The following CRNKL1 variants were observed in gnomAD, a reference collection of about 807,000 sequenced individuals.
CRNKL1 encodes the protein crooked neck-like protein 1.
CRNKL1 carries 35 observed loss-of-function variants against 103.7 expected under a neutral mutation model. That is an observed-to-expected ratio of 0.34 (90% CI 0.26 to 0.45). CRNKL1 has a LOEUF of 0.45. Ranked by LOEUF, CRNKL1 falls within the 20% of genes least tolerant of loss-of-function variation. The pLI, the probability that CRNKL1 is intolerant of heterozygous loss-of-function variation, is 1.00. For missense variants in CRNKL1, 645 were observed against 836.0 expected (o/e 0.77, Z 2.82); for synonymous variants, 267 against 282.6 (o/e 0.94, Z 0.55).
intron 11 of CRNKL1, 146 bp downstream of exon 11, chr20:20,039,463 T>C: frequency 1.1e-6 from 1 of 951,828 alleles, no homozygotes; most frequent in Non-Finnish European, 1.5e-6. Context: ...CAGCCACCTT[T>C]CCACGTACAA....
upstream of CRNKL1, chr20:20,052,642 C>T (rs1158318861): frequency 1.9e-6 from 3 of 1,613,334 alleles, no homozygotes; most frequent in Non-Finnish European, 2.5e-6. Flanking sequence ...CGGTGCAGGG[C>T]GTCCAGGGCG....
In CRNKL1 at chr20:20,034,488, C is replaced by CT. The variant is rs2043386044; in HGVS notation, c.*1706dup. 1 of 152,146 alleles carries CT rather than the reference C, an allele frequency of 6.6e-6. No individual in the cohort carries two copies. The highest frequency in any genetic ancestry group is 6.5e-5 in the Admixed American group (1 of 15,276). 9.4% of individuals were successfully genotyped at this position (152,146 alleles called of 1,614,324 possible). ...CTTCCAGCTTTCACACTGGCACATGCTTATTACAATTCTACCTTGGGAACA... is the reference window on the plus strand; with the variant it reads ...CTTCCAGCTTTCACACTGGCACATGCTTTATTACAATTCTACCTTGGGAACA... On this transcript the variant is annotated 3_prime_UTR_variant, in exon 14 of 14. Transcript: ENST00000536226.
intron 10 of CRNKL1, 142 bp from the exon 11 acceptor site, chr20:20,039,990 T>C: frequency 1.2e-6 from 1 of 828,700 alleles, no homozygotes; most frequent in South Asian, 1.8e-5. Flanking sequence ...CTCTGTGGTA[T>C]CACAATGTTT....
At position 20,037,529 on chromosome 20, in the gene CRNKL1, C is replaced by A; in HGVS notation, c.1690G>T (p.Glu564Ter). 8.1e-6 allele frequency: 13 copies of A among 1,614,136 alleles called. No homozygotes were observed. Among genetic ancestry groups the A allele is most frequent in the Non-Finnish European group, 1.1e-5 (13 of 1,180,012 alleles). Residue 564 changes from glutamate (E) to a stop codon, truncating the protein, a stop_gained, in exon 13 of 14, where the codon GAA (glutamate) becomes TAA (stop). Transcript: ENST00000536226. LOFTEE classifies it high-confidence loss of function. Reference protein sequence around the residue: ...FAQFELSSGKEGSLTKCRQIY... With the variant: ...FAQFELSSGK ...TGTCTGCATTTAGTCAAACTTCCTT[C>A]TTTTCCTGAAGACAACTCAAACTGA...
intron 6 of CRNKL1, among the ~76,000 whole-genome samples, chr20:20,044,259 TA>T (rs2043560070): frequency 1.3e-5 from 2 of 152,294 alleles, no homozygotes; most frequent in East Asian, 3.9e-4. Flanking sequence ...CCTTAAAATA[TA>T]AATCATATCC....
intron 9 of CRNKL1, 81 bp downstream of exon 9, chr20:20,041,485 T>C (rs1244727504): frequency 9.1e-7 from 1 of 1,104,346 alleles, no homozygotes; most frequent in Non-Finnish European, 1.4e-6. Context: ...TATCAATCAA[T>C]ATTATTTCAC....
chr20:20,052,723 C>G (rs7508949), upstream of CRNKL1: 651,860 of 1,600,538 alleles, frequency 0.41, 139,552 homozygotes, highest in Middle Eastern at 0.45. Context: ...CCGTGGCGCC[C>G]TGCAAGGGAG....
upstream of CRNKL1, chr20:20,052,707 G>C: frequency 2.5e-6 from 4 of 1,610,124 alleles, no homozygotes; most frequent in Non-Finnish European, 2.5e-6. Context: ...GAGTGGCTCT[G>C]TCGAGCCGTG....
At position 20,039,862 on chromosome 20, in the gene CRNKL1, T is replaced by G. The variant is rs747460400; in HGVS notation, c.1306-14A>C. ...TATGGAAGTTCCCTGGAAAATAAAA[T>G]AACCAGACCACTGTGATACTGTAGT... On this transcript the variant is annotated splice_polypyrimidine_tract_variant and intron_variant, in intron 10 of 13. Transcript: ENST00000536226. 66 of 1,611,882 alleles carry G rather than the reference T, an allele frequency of 4.1e-5. No homozygotes were observed. Among genetic ancestry groups the G allele is most frequent in the Non-Finnish European group, 5.1e-5 (60 of 1,179,410 alleles).
At chr20:20,039,206 G>T (rs2043471581) in intron 11 of CRNKL1, among the ~76,000 whole-genome samples, 1 of 152,204 alleles carries the variant, frequency 6.6e-6, no homozygotes, top group African/African-American at 2.4e-5. Flanking sequence ...AGTGACAACA[G>T]AAGTTGCAAG....
At position 20,042,462 on chromosome 20, in the gene CRNKL1, C is replaced by T. The variant is rs777183138; in HGVS notation, c.1027G>A (p.Asp343Asn). ...TCTCTCACGGCTTCAGCTTCTGCGTCACTTTCTACCAAGCGCAAGTAATCA... is the reference window on the plus strand; with the variant it reads ...TCTCTCACGGCTTCAGCTTCTGCGTTACTTTCTACCAAGCGCAAGTAATCA... ...WFDYLRLVES[D>N]AEAEAVREVY... Residue 343 changes from aspartate to asparagine, a missense_variant, in exon 8 of 14, where the codon GAC (aspartate) becomes AAC (asparagine). By Grantham distance (23) the Asp-to-Asn change is conservative. Around this residue, in one of 2 missense-constraint regions of CRNKL1, gnomAD observed 582 missense variants for 707.7 expected, o/e 0.82. Transcript: ENST00000536226. 3 of 1,614,166 alleles carry T rather than the reference C, an allele frequency of 1.9e-6. No homozygotes were observed. In the South Asian group the frequency reaches 3.3e-5, roughly 18 times the overall value.
chr20:20,049,370 T>G lies in CRNKL1; in HGVS notation c.266A>C (p.Gln89Pro). Residue 89 changes from glutamine to proline, a missense_variant, in exon 3 of 14, where the codon CAA (glutamine) becomes CCA (proline). Coordinates refer to ENST00000536226, the MANE Select transcript of CRNKL1 (RefSeq NM_001278628.2). ...AATCTCCTTTAGGCTTTCTTCCCAT[T>G]GTGCGTATTTTATCCAGTTACTAAT... The part of the protein sequence containing the change: ...TVISNWIKYA[Q>P]WEESLKEIQR... 3 of 1,601,892 alleles carry G rather than the reference T, an allele frequency of 1.9e-6. No individual in the cohort carries two copies. Among genetic ancestry groups the G allele is most frequent in the Non-Finnish European group, 2.6e-6 (3 of 1,170,634 alleles).
intron 1 of CRNKL1, 65 bp from the exon 2 acceptor site, chr20:20,050,687 C>A (rs769126985): frequency 6.9e-7 from 1 of 1,445,044 alleles, no homozygotes; most frequent in Non-Finnish European, 9.3e-7. Context: ...AAGAAACAAA[C>A]ATACATTTTT....
At chr20:20,042,175 G>A (rs919588861) in intron 8 of CRNKL1, 150 bp downstream of exon 8, 7 of 617,658 alleles carry the variant, frequency 1.1e-5, no homozygotes, top group South Asian at 3.6e-5. Flanking sequence ...GTTGCAGAGC[G>A]AATATATAAC....
chr20:20,038,575 A>C (rs971147486), intron 11 of CRNKL1, 125 bp from the exon 12 acceptor site: 4 of 601,906 alleles, frequency 6.6e-6, no homozygotes, highest in African/African-American at 1.9e-5. Flanking sequence ...GAACAACTAA[A>C]GAACACATGT....
intron 3 of CRNKL1, 120 bp downstream of exon 3, chr20:20,049,220 T>C: frequency 1.6e-6 from 1 of 629,344 alleles, no homozygotes; most frequent in Non-Finnish European, 2.7e-6. Context: ...GGAACCAAAG[T>C]TGAAAATTTC....
chr20:20,042,019 G>A (rs1001495450), intron 8 of CRNKL1, among the ~76,000 whole-genome samples: 4 of 152,232 alleles, frequency 2.6e-5, no homozygotes, highest in African/African-American at 7.2e-5. Context: ...AGCAAATCCA[G>A]GAAACTATAT....
At chr20:20,050,989 G>A (rs1386311892) in intron 1 of CRNKL1, among the ~76,000 whole-genome samples, 1 of 152,206 alleles carries the variant, frequency 6.6e-6, no homozygotes, top group Non-Finnish European at 1.5e-5. Flanking sequence ...ATTACAACCT[G>A]CATTTACAGA....
At chr20:20,036,764 C>T (rs529162097) in intron 13 of CRNKL1, among the ~76,000 whole-genome samples, 1 of 152,356 alleles carries the variant, frequency 6.6e-6, no homozygotes, top group Non-Finnish European at 1.5e-5. Flanking sequence ...CTATCAGTCA[C>T]TGATTTCACT....
Sources: allele counts gnomAD v4.1 joint callset (sites outside exome capture counted in the v4.1 genomes callset), GRCh38; gene constraint gnomAD v4.1.1; regional missense constraint gnomAD v4.1.1; transcripts MANE v1.5; gene names NCBI Gene and HGNC (gene_info 2026-07-23, HGNC 2026-07-21).